The following NAALADL2 variants were observed in gnomAD, a reference collection of about 807,000 sequenced individuals.
NAALADL2 encodes N-acetylated alpha-linked acidic dipeptidase like 2.
NAALADL2 carries 76 observed loss-of-function variants against 87.2 expected under a neutral mutation model. That is an observed-to-expected ratio of 0.87 (90% CI 0.72 to 1.05). The LOEUF (loss-of-function observed/expected upper bound fraction) is 1.05, where lower values mean the gene tolerates loss of function less well. Ranked by LOEUF, NAALADL2 falls within the 50% of genes least tolerant of loss-of-function variation. NAALADL2 has a pLI of 0.00. For missense variants in NAALADL2, 1,089 were observed against 945.8 expected (o/e 1.15, Z -1.99); for synonymous variants, 354 against 331.0 (o/e 1.07, Z -0.75).
chr3:174,558,626 G>A (rs1393537136), intron 2 of NAALADL2, among the ~76,000 whole-genome samples: 1 of 152,038 alleles, frequency 6.6e-6, no homozygotes, highest in Non-Finnish European at 1.5e-5. Flanking sequence ...CGCTGATCTG[G>A]CAGGGGGAGA....
At chr3:174,823,244 T>C (rs529111846) in intron 3 of NAALADL2, among the ~76,000 whole-genome samples, 1 of 152,296 alleles carries the variant, frequency 6.6e-6, no homozygotes, top group African/African-American at 2.4e-5. Flanking sequence ...CCTCTTCTTT[T>C]TTTTTTCTTG....
chr3:174,489,181 A>T (rs931592209), intron 1 of NAALADL2, among the ~76,000 whole-genome samples: 21 of 152,048 alleles, frequency 1.4e-4, no homozygotes, highest in African/African-American at 5.1e-4. Context: ...TATATTATTA[A>T]ACTCAGATTT....
At chr3:175,308,280 C>T (rs185005015) in intron 4 of NAALADL2, among the ~76,000 whole-genome samples, 1 of 152,186 alleles carries the variant, frequency 6.6e-6, no homozygotes, top group Non-Finnish European at 1.5e-5. Context: ...CAATATCTCT[C>T]TAATGTTGTT....
intron 2 of NAALADL2, among the ~76,000 whole-genome samples, chr3:174,631,276 C>A (rs940410861): frequency 6.6e-6 from 1 of 152,126 alleles, no homozygotes; most frequent in African/African-American, 2.4e-5. Flanking sequence ...GTCTTAAAAT[C>A]TTTACCAACA....
At chr3:175,409,690 A>C (rs953045322) in intron 5 of NAALADL2, among the ~76,000 whole-genome samples, 11 of 151,672 alleles carry the variant, frequency 7.3e-5, no homozygotes, top group African/African-American at 2.7e-4. Flanking sequence ...TAGGTAGTTC[A>C]ACATTTTTCA....
intron 1 of NAALADL2, among the ~76,000 whole-genome samples, chr3:175,085,050 G>A (rs1434803883): frequency 6.6e-6 from 1 of 152,280 alleles, no homozygotes; most frequent in South Asian, 2.1e-4. Context: ...GTTAGGGCTT[G>A]ATTTTGGGGA....
intron 1 of NAALADL2, among the ~76,000 whole-genome samples, chr3:174,927,102 A>G (rs192825002): frequency 6.6e-6 from 1 of 152,302 alleles, no homozygotes; most frequent in Admixed American, 6.5e-5. Context: ...AAAAATCAAA[A>G]GAGACAGAAG....
chr3:174,442,370 C>T (rs923734029), intron 1 of NAALADL2, among the ~76,000 whole-genome samples: 4 of 90,894 alleles, frequency 4.4e-5, no homozygotes, highest in African/African-American at 1.8e-4. Context: ...AATACTTTCA[C>T]CTTTAATTTT....
intron 11 of NAALADL2, among the ~76,000 whole-genome samples, chr3:175,630,498 CTT>C (rs1290853608): frequency 6.6e-6 from 1 of 151,482 alleles, no homozygotes; most frequent in Non-Finnish European, 1.5e-5. Flanking sequence ...GTATTAAAAT[CTT>C]TCAAGTAGGC....
chr3:175,133,541 G>C (rs1353631828), intron 2 of NAALADL2, among the ~76,000 whole-genome samples: 1 of 152,218 alleles, frequency 6.6e-6, no homozygotes, highest in South Asian at 2.1e-4. Context: ...TCAACACAGC[G>C]AAACCCCGTC....
intron 1 of NAALADL2, among the ~76,000 whole-genome samples, chr3:174,881,479 G>T (rs549453527): frequency 1.3e-5 from 2 of 152,054 alleles, no homozygotes; most frequent in South Asian, 4.2e-4. Context: ...TTTGCATTTG[G>T]GATAAATAAA....
At chr3:175,465,128 T>C (rs1164113783) in intron 7 of NAALADL2, among the ~76,000 whole-genome samples, 1 of 151,950 alleles carries the variant, frequency 6.6e-6, no homozygotes, top group African/African-American at 2.4e-5. Flanking sequence ...GGCAGACGCC[T>C]GTAGTCCCAG....
chr3:174,836,209 T>C lies in NAALADL2; in HGVS notation c.-9+98463T>C, dbSNP rs529837640. ...CAACAGGGATGAACCTTGTAGTCAT[T>C]ACGCAAAGTGAAATAAGCTAGTCGC... On this transcript the variant is annotated intron_variant, in intron 3 of 3. Coordinates refer to the NAALADL2 transcript ENST00000434257. 2.0e-5 allele frequency among the ~76,000 whole-genome samples: 3 copies of C among 152,290 alleles called. No homozygotes were observed. In the East Asian group the frequency reaches 5.8e-4, roughly 29 times the overall value.
intron 1 of NAALADL2, among the ~76,000 whole-genome samples, chr3:174,510,153 A>ATAT (rs1193407606): frequency 1.3e-5 from 2 of 152,048 alleles, no homozygotes; most frequent in Non-Finnish European, 2.9e-5. Flanking sequence ...TTAAGGACTT[A>ATAT]TTTTTATGTC....
In NAALADL2 at chr3:174,786,512, T is replaced by G. The variant is rs528408493; in HGVS notation, c.-9+48766T>G. On this transcript the variant is annotated intron_variant, in intron 3 of 3. Coordinates refer to the NAALADL2 transcript ENST00000434257. Reference sequence around the variant, plus strand: ...GAAAAAAAAGAAAAAGTAAAATTATTCTTGTTATTTTTGGGTAGAGAGGAT... The same window carrying G: ...GAAAAAAAAGAAAAAGTAAAATTATGCTTGTTATTTTTGGGTAGAGAGGAT... 5.6e-4 allele frequency among the ~76,000 whole-genome samples: 85 copies of G among 151,946 alleles called. 1 individual carries two copies. The South Asian group carries it at 0.017, about 31-fold the overall frequency.
chr3:175,081,382 G>A (rs1257323883), intron 1 of NAALADL2, among the ~76,000 whole-genome samples: 4 of 152,160 alleles, frequency 2.6e-5, no homozygotes. Flanking sequence ...GTATCTATCT[G>A]TATATCTTTC....
rs1560046013 is a variant in NAALADL2, at chr3:175,810,251, C to T, written c.*7048C>T. On this transcript the variant is annotated 3_prime_UTR_variant, in exon 14 of 14. Transcript: ENST00000454872. ...TCTATATTTAGCCCAAGTGTGATCA[C>T]AATTTATTTTATAACTTTTTATGTG... The T allele has an allele frequency of 6.6e-6, 1 of 151,732 alleles. No homozygotes were observed. The highest frequency in any genetic ancestry group is 1.5e-5 in the Non-Finnish European group (1 of 67,960). 9.4% of individuals were successfully genotyped at this position (151,732 alleles called of 1,614,324 possible).
intron 3 of NAALADL2, among the ~76,000 whole-genome samples, chr3:174,853,235 G>A (rs1158321190): frequency 4.0e-5 from 5 of 125,166 alleles, no homozygotes; most frequent in Admixed American, 8.4e-5. Context: ...AAAATTAGCC[G>A]GGTGTGGTGG....
chr3:175,447,132 C>A (rs1720833683), intron 5 of NAALADL2, 97 bp from the exon 6 acceptor site: 5 of 705,900 alleles, frequency 7.1e-6, no homozygotes, highest in Non-Finnish European at 1.1e-5. Flanking sequence ...TATAAACTTA[C>A]CAGTCATAAT....
Sources: gnomAD v4.1 joint callset for allele counts (sites outside exome capture counted in the v4.1 genomes callset) on GRCh38, gnomAD v4.1.1 for gene constraint, MANE v1.5 for transcripts, NCBI Gene and HGNC (gene_info 2026-07-23, HGNC 2026-07-21) for gene names.